Variants in PAX3 observed in about 807,000 individuals in gnomAD.
PAX3 encodes the protein paired box 3, also known as paired box protein Pax-3.
In PAX3, 14 loss-of-function variants were observed where a neutral mutation model predicts 51.6. The observed-to-expected ratio is 0.27, with a 90% CI of 0.18 to 0.42. The LOEUF is 0.42. Ranked by LOEUF, PAX3 falls within the 10% of genes least tolerant of loss-of-function variation. The probability of loss-of-function intolerance (pLI) is 1.00; values close to 1 mark genes in which losing one functional copy is unlikely to be tolerated. For missense variants in PAX3, 540 were observed against 642.8 expected, an observed-to-expected ratio of 0.84 and a Z score of 1.73; for synonymous variants, 280 against 253.4, an observed-to-expected ratio of 1.11 and a Z score of -1.00.
intron 7 of PAX3, among the ~76,000 whole-genome samples, chr2:222,214,003 C>T (rs148598694): frequency 7.2e-5 from 11 of 152,282 alleles, no homozygotes; most frequent in African/African-American, 9.6e-5. Flanking sequence ...AAGATTTTAA[C>T]GGCAACAAAT....
intron 7 of PAX3, among the ~76,000 whole-genome samples, chr2:222,206,566 T>C (rs1303328059): frequency 6.6e-6 from 1 of 152,140 alleles, no homozygotes; most frequent in African/African-American, 2.4e-5. Context: ...AGAGAGACAT[T>C]TTCTGAAGAT....
chr2:222,227,497 C>T (rs531605269), intron 5 of PAX3, among the ~76,000 whole-genome samples: 5 of 152,112 alleles, frequency 3.3e-5, no homozygotes, highest in South Asian at 2.1e-4. Flanking sequence ...GAGACTGAGG[C>T]GGGAGGATCA....
chr2:222,256,842 G>A (rs1477497708), intron 4 of PAX3, among the ~76,000 whole-genome samples: 12 of 152,182 alleles, frequency 7.9e-5, no homozygotes, highest in Non-Finnish European at 1.5e-5. Flanking sequence ...CGACAGACTG[G>A]CCCAAAACTT....
Position 222,295,570 on chromosome 2 carries a change from ATT to A in PAX3, c.407_408del (p.Lys136IlefsTer8). Reference sequence around the variant, plus strand: ...CGATCACAGACCGCGTCCTTGAGTAATTTGTCTCGGATTTCCCAGCTGAACAT... The same window carrying A: ...CGATCACAGACCGCGTCCTTGAGTAATGTCTCGGATTTCCCAGCTGAACAT... ...PGMFSWEIRD[K>X]LLKDAVCDRN... is the part of the protein sequence containing the mutation. On this transcript the variant is annotated frameshift_variant, in exon 3 of 9. Coordinates refer to ENST00000392070, the MANE Select transcript of PAX3 (RefSeq NM_181458.4). LOFTEE classifies it high-confidence loss of function. 6.2e-7 allele frequency: 1 copy of A among 1,614,086 alleles called. No homozygotes were observed. Among genetic ancestry groups the A allele is most frequent in the Non-Finnish European group, 8.5e-7 (1 of 1,180,020 alleles).
intron 4 of PAX3, among the ~76,000 whole-genome samples, chr2:222,254,013 C>T (rs1014177523): frequency 1.3e-5 from 2 of 152,200 alleles, no homozygotes; most frequent in African/African-American, 2.4e-5. Context: ...CAAATACTTA[C>T]GCAGTGCCTG....
chr2:222,272,652 G>A lies in PAX3; in HGVS notation c.586+21515C>T, dbSNP rs992319295. ...GTCAAGAATTAATTCTAATGAAAAC[G>A]GCATTGCCTAAATGCGGGATGGCCA... On this transcript the variant is annotated intron_variant, in intron 4 of 8. Coordinates refer to ENST00000392070, the MANE Select transcript of PAX3 (RefSeq NM_181458.4). 1.3e-4 allele frequency among the ~76,000 whole-genome samples: 20 copies of A among 152,242 alleles called. 1 individual carries two copies. The highest frequency in any genetic ancestry group is 4.1e-4 in the South Asian group (2 of 4,826).
chr2:222,283,316 AG>A (rs1484170409), intron 4 of PAX3, among the ~76,000 whole-genome samples: 2 of 152,190 alleles, frequency 1.3e-5, no homozygotes, highest in Non-Finnish European at 2.9e-5. Context: ...TTTCTGCCAA[AG>A]GGGGAAGATA....
At chr2:222,267,465 T>C (rs1694092968) in intron 4 of PAX3, among the ~76,000 whole-genome samples, 1 of 152,198 alleles carries the variant, frequency 6.6e-6, no homozygotes, top group South Asian at 2.1e-4. Flanking sequence ...AATAAAACAC[T>C]TTTTCAAAAT....
intron 4 of PAX3, among the ~76,000 whole-genome samples, chr2:222,249,107 T>TCAG (rs1455899922): frequency 6.6e-6 from 1 of 152,162 alleles, no homozygotes; most frequent in African/African-American, 2.4e-5. Flanking sequence ...TTACATGTTT[T>TCAG]CAGCAGCAGC....
At chr2:222,271,635 G>T (rs562286692) in intron 4 of PAX3, among the ~76,000 whole-genome samples, 30 of 152,316 alleles carry the variant, frequency 2.0e-4, no homozygotes, top group African/African-American at 7.0e-4. Context: ...GCCAAGGGAA[G>T]TAAAGCATTT....
intron 7 of PAX3, among the ~76,000 whole-genome samples, chr2:222,207,283 A>G (rs1691549210): frequency 6.6e-6 from 1 of 152,214 alleles, no homozygotes; most frequent in Admixed American, 6.6e-5. Flanking sequence ...CAAATGCCTT[A>G]GGAATTATCC....
chr2:222,275,252 A>G (rs1320015986), intron 4 of PAX3, among the ~76,000 whole-genome samples: 1 of 152,188 alleles, frequency 6.6e-6, no homozygotes, highest in Non-Finnish European at 1.5e-5. Context: ...TTCTCGTTTT[A>G]TAATGTTTGG....
chr2:222,220,054 G>C, intron 7 of PAX3, 86 bp downstream of exon 7: 1 of 1,126,702 alleles, frequency 8.9e-7, no homozygotes, highest in East Asian at 2.5e-5. Context: ...GTTTAAATTT[G>C]GCAATTCATT....
intron 4 of PAX3, among the ~76,000 whole-genome samples, chr2:222,288,611 A>C (rs1213614792): frequency 6.6e-6 from 1 of 152,198 alleles, no homozygotes; most frequent in Non-Finnish European, 1.5e-5. Flanking sequence ...TGTATTTAGA[A>C]ACTTAGCAAC....
At chr2:222,286,078 C>G (rs565166712) in intron 4 of PAX3, among the ~76,000 whole-genome samples, 2 of 152,238 alleles carry the variant, frequency 1.3e-5, no homozygotes, top group Non-Finnish European at 2.9e-5. Flanking sequence ...GCTGGGGTTA[C>G]AGGCGTGTGC....
rs191742781 is a variant in PAX3, at chr2:222,221,014, A to C, written c.958+208T>G. ...TGTTTTAAAATACTGCAATTGAATTATATTACAGCACAGTTTATCTAGAGA... is the reference window on the plus strand; with the variant it reads ...TGTTTTAAAATACTGCAATTGAATTCTATTACAGCACAGTTTATCTAGAGA... On this transcript the variant is annotated intron_variant, in intron 6 of 8. Transcript: ENST00000392070. Among the ~76,000 whole-genome samples, 8 of 152,390 alleles carry C rather than the reference A, an allele frequency of 5.2e-5. No homozygotes were observed. The East Asian group carries it at 1.5e-3, about 29-fold the overall frequency.
intron 7 of PAX3, among the ~76,000 whole-genome samples, chr2:222,219,309 T>C (rs1299178734): frequency 6.6e-6 from 1 of 152,146 alleles, no homozygotes; most frequent in African/African-American, 2.4e-5. Flanking sequence ...CAATTATAGA[T>C]TGCAACCCCT....
intron 5 of PAX3, among the ~76,000 whole-genome samples, chr2:222,231,283 G>A (rs1377526683): frequency 6.6e-6 from 1 of 152,198 alleles, no homozygotes; most frequent in African/African-American, 2.4e-5. Flanking sequence ...AACTTCTAGG[G>A]TGGTGAGGAG....
At chr2:222,203,137 A>G in intron 7 of PAX3, among the ~76,000 whole-genome samples, 1 of 144,450 alleles carries the variant, frequency 6.9e-6, no homozygotes, top group South Asian at 2.2e-4. Flanking sequence ...GGACAGTAAG[A>G]CAACTTGGAA....
Sources: allele counts gnomAD v4.1 joint callset (sites outside exome capture counted in the v4.1 genomes callset), GRCh38; gene constraint gnomAD v4.1.1; transcripts MANE v1.5; gene names NCBI Gene and HGNC (gene_info 2026-07-23, HGNC 2026-07-21).